Variants in SLC6A9 observed in about 807,000 individuals in gnomAD.
SLC6A9 encodes solute carrier family 6 member 9, also known as sodium- and chloride-dependent glycine transporter 1.
Under a neutral mutation model 70.9 loss-of-function variants are expected in SLC6A9, and 31 were observed. The observed-to-expected ratio is 0.44, with a 90% CI of 0.33 to 0.59. The LOEUF (loss-of-function observed/expected upper bound fraction) is 0.59, where lower values mean the gene tolerates loss of function less well. Among genes scored for constraint, SLC6A9 ranks in the 20% least tolerant of loss-of-function variants. The pLI is 0.04. For synonymous variants in SLC6A9, 310 were observed against 341.3 expected, an observed-to-expected ratio of 0.91 and a Z score of 1.01; for missense variants, 631 against 845.2, an observed-to-expected ratio of 0.75 and a Z score of 3.14.
At chr1:44,016,701 G>A (rs2086756136) in intron 2 of SLC6A9, 1 of 240,376 alleles carries the variant, frequency 4.2e-6, no homozygotes, top group Non-Finnish European at 8.0e-6. Flanking sequence ...CAGACAATGA[G>A]GCTGTATTGA....
Position 44,000,814 on chromosome 1 carries a change from G to A in SLC6A9, c.1489C>T (p.Leu497Phe). The A allele has an allele frequency of 6.2e-7, 1 of 1,612,416 alleles. No homozygotes were observed. Among genetic ancestry groups the A allele is most frequent in the Non-Finnish European group, 8.5e-7 (1 of 1,179,232 alleles). ...IQMMLGFPPPLFFQICWRFVS... is the reference protein window; with the variant it reads ...IQMMLGFPPPFFFQICWRFVS... The stretch of plus-strand genomic sequence containing the variant: ...AAGCGCCAGCAGATCTGAAAGAAGA[G>A]GGGTGGTGGGAATCCCAGCATCATC... Residue 497 changes from leucine to phenylalanine, a missense_variant, in exon 12 of 14, where the codon CTC (leucine) becomes TTC (phenylalanine). By Grantham distance (22) the Leu-to-Phe change is conservative (BLOSUM62 0). Transcript: ENST00000372310.
chr1:43,998,666 G>A (rs2085973496), intron 12 of SLC6A9, among the ~76,000 whole-genome samples: 1 of 151,844 alleles, frequency 6.6e-6, no homozygotes, highest in South Asian at 2.1e-4. Context: ...AACTCTGGGG[G>A]TGCAGTGCCC....
intron 2 of SLC6A9, among the ~76,000 whole-genome samples, chr1:44,020,670 C>T (rs1480234675): frequency 6.6e-6 from 1 of 152,210 alleles, no homozygotes; most frequent in Non-Finnish European, 1.5e-5. Context: ...CCCAATAATG[C>T]ACCAAGCCTG....
chr1:44,010,095 G>A lies in SLC6A9; in HGVS notation c.189C>T (p.Gly63=), dbSNP rs780398424. 2.3e-5 allele frequency: 37 copies of A among 1,613,626 alleles called. 1 individual carries two copies. The highest frequency in any genetic ancestry group is 4.5e-5 in the East Asian group (2 of 44,860). The change falls in exon 4 of 14, where the codon GGC becomes GGT. Residue 63 remains glycine, a splice_region_variant and synonymous_variant. Transcript: ENST00000372310. Reference sequence around the variant, plus strand: ...TGATGAAGTAGGGGAACATGAAGGCGCCTGGTAGGCAGGGAGAGGTCTGGC... The same window carrying A: ...TGATGAAGTAGGGGAACATGAAGGCACCTGGTAGGCAGGGAGAGGTCTGGC... ...FPYLCYRNGG[G]AFMFPYFIML... is the part of the protein sequence containing the mutation.
intron 5 of SLC6A9, among the ~76,000 whole-genome samples, 189 bp from the exon 6 acceptor site, chr1:44,003,174 T>G (rs2086184525): frequency 6.6e-6 from 1 of 152,234 alleles, no homozygotes; most frequent in South Asian, 2.1e-4. Context: ...CTGCAGCCCC[T>G]GGGGAGCCCA....
intron 5 of SLC6A9, among the ~76,000 whole-genome samples, chr1:44,003,258 G>A (rs1173976527): frequency 6.6e-6 from 1 of 152,262 alleles, no homozygotes; most frequent in Non-Finnish European, 1.5e-5. Context: ...GGCTTGGGTG[G>A]TCTTCCTAGT....
At chr1:44,005,797 C>A (rs1027744124) in intron 5 of SLC6A9, among the ~76,000 whole-genome samples, 1 of 152,232 alleles carries the variant, frequency 6.6e-6, no homozygotes, top group Non-Finnish European at 1.5e-5. Flanking sequence ...GCCTGGGTTG[C>A]TCTCTTCAGG....
In SLC6A9 at chr1:44,000,854, G is replaced by C; in HGVS notation, c.1449C>G (p.Tyr483Ter). 3.7e-6 allele frequency: 6 copies of C among 1,609,512 alleles called. No individual in the cohort carries two copies. Among genetic ancestry groups the C allele is most frequent in the Non-Finnish European group, 5.1e-6 (6 of 1,177,676 alleles). Residue 483 changes from tyrosine to a stop codon, truncating the protein, a stop_gained, in exon 12 of 14, where the codon TAC becomes TAG. Transcript: ENST00000372310. LOFTEE classifies it high-confidence loss of function. The part of the protein sequence containing the change: ...AIMYIYGHRN[Y>*]FQDIQMMLGF... ...CCAGCATCATCTGGATGTCCTGGAA[G>C]TAGTTCCGGTGCCCTGGAGAGATGG...
intron 1 of SLC6A9, among the ~76,000 whole-genome samples, chr1:44,028,968 G>C (rs1353967321): frequency 6.6e-6 from 1 of 152,134 alleles, no homozygotes; most frequent in Admixed American, 6.5e-5. Flanking sequence ...TAGGGGGAGG[G>C]ATAAGAAGGA....
chr1:44,025,792 T>C (rs1374816804), intron 1 of SLC6A9, among the ~76,000 whole-genome samples: 1 of 144,966 alleles, frequency 6.9e-6, no homozygotes, highest in East Asian at 2.0e-4. Flanking sequence ...AGAGCAAGAC[T>C]CCGTCTCAAA....
intron 1 of SLC6A9, among the ~76,000 whole-genome samples, chr1:44,027,166 G>T (rs2086997016): frequency 6.6e-6 from 1 of 152,060 alleles, no homozygotes; most frequent in Non-Finnish European, 1.5e-5. Flanking sequence ...AAGCACTTGT[G>T]GGCCACTGTT....
In SLC6A9 at chr1:44,008,343, G is replaced by T. The variant is rs1445916489; in HGVS notation, c.590+10C>A. The T allele has an allele frequency of 6.2e-7, 1 of 1,612,898 alleles. No homozygotes were observed. Among genetic ancestry groups the T allele is most frequent in the African/African-American group, 1.3e-5 (1 of 74,918 alleles). Reference sequence around the variant, plus strand: ...GGTTCCCCCCACCCCAGGTCCTGCAGGTGCCTCACCTCCAGTACTCCTCGC... The same window carrying T: ...GGTTCCCCCCACCCCAGGTCCTGCATGTGCCTCACCTCCAGTACTCCTCGC... On this transcript the variant is annotated intron_variant, in intron 5 of 13. Transcript: ENST00000372310.
chr1:44,011,835 C>T (rs2086583404), intron 2 of SLC6A9: 2 of 983,120 alleles, frequency 2.0e-6, no homozygotes, highest in African/African-American at 3.3e-5. Flanking sequence ...GAGGACAGCC[C>T]CTTGTGGAAC....
chr1:43,996,973 AAG>A lies in SLC6A9; in HGVS notation c.*570_*571del, dbSNP rs1295652529. On this transcript the variant is annotated 3_prime_UTR_variant, in exon 14 of 14. Transcript: ENST00000372310. Reference sequence around the variant, plus strand: ...CCCAGTGAGGTGCAAGCAGGCCTGGAAGACAGACTGAACCCGAGGCTGGGGGC... The same window carrying A: ...CCCAGTGAGGTGCAAGCAGGCCTGGAACAGACTGAACCCGAGGCTGGGGGC... 1 of 155,460 alleles carries A rather than the reference AAG, an allele frequency of 6.4e-6. No homozygotes were observed. Among genetic ancestry groups the A allele is most frequent in the Non-Finnish European group, 1.4e-5 (1 of 70,058 alleles). 9.6% of individuals were successfully genotyped at this position (155,460 alleles called of 1,614,324 possible).
chr1:44,024,121 G>A, intron 2 of SLC6A9, 127 bp downstream of exon 2: 2 of 932,166 alleles, frequency 2.1e-6, no homozygotes, highest in Non-Finnish European at 1.8e-6. Flanking sequence ...CCCAGGCCGG[G>A]GTCAGCTGGG....
At chr1:44,030,086 C>G (rs1174590111) in intron 1 of SLC6A9, among the ~76,000 whole-genome samples, 1 of 152,024 alleles carries the variant, frequency 6.6e-6, no homozygotes. Context: ...AGAGCAGGCC[C>G]GAAAGGGGGT....
At chr1:44,024,215 C>T (rs201953427) in intron 2 of SLC6A9, 33 bp downstream of exon 2, 140 of 1,610,660 alleles carry the variant, frequency 8.7e-5, no homozygotes, top group Middle Eastern at 1.6e-4. Context: ...TTGGGACTCC[C>T]GTTCCTTCCC....
chr1:44,011,669 G>A, intron 2 of SLC6A9: 1 of 1,614,086 alleles, frequency 6.2e-7, no homozygotes, highest in African/African-American at 1.3e-5. Flanking sequence ...TAGAGGGAGT[G>A]GCTCCAGAAA....
chr1:44,016,256 A>G (rs1347391087), intron 2 of SLC6A9: 5 of 152,492 alleles, frequency 3.3e-5, no homozygotes, highest in Non-Finnish European at 5.8e-5. Flanking sequence ...GTCTACCCTC[A>G]CTGGCTAGCA....
Sources: allele counts gnomAD v4.1 joint callset (sites outside exome capture counted in the v4.1 genomes callset), GRCh38; gene constraint gnomAD v4.1.1; transcripts MANE v1.5; gene names NCBI Gene and HGNC (gene_info 2026-07-23, HGNC 2026-07-21).